BNC2: variants seen among roughly 807,000 people sequenced by gnomAD.
BNC2 encodes zinc finger protein basonuclin-2.
A neutral mutation model predicts 76.3 loss-of-function variants in BNC2; 20 were observed. The observed-to-expected ratio is 0.26, with a 90% confidence interval of 0.18 to 0.38. The LOEUF (loss-of-function observed/expected upper bound fraction) is 0.38, where lower values mean the gene tolerates loss of function less well. BNC2 is among the 10% of genes least tolerant of loss of function. BNC2 has a pLI of 1.00. For synonymous variants in BNC2, 582 were observed against 514.8 expected, an observed-to-expected ratio of 1.13 and a Z score of -1.77; for missense variants, 1,382 against 1,399.8, an observed-to-expected ratio of 0.99 and a Z score of 0.20.
At chr9:16,511,882 G>T (rs1449652753) in intron 5 of BNC2, among the ~76,000 whole-genome samples, 1 of 152,146 alleles carries the variant, frequency 6.6e-6, no homozygotes, top group Admixed American at 6.5e-5. Flanking sequence ...TTGTGTACTT[G>T]TGTGTCTGTG....
At chr9:16,780,152 C>T (rs575818317) in intron 1 of BNC2, among the ~76,000 whole-genome samples, 7 of 144,380 alleles carry the variant, frequency 4.8e-5, no homozygotes, top group Admixed American at 7.2e-5. Context: ...AGGAGAATGG[C>T]GCGAACCTGG....
chr9:16,585,825 C>T (rs908749037), intron 3 of BNC2, among the ~76,000 whole-genome samples: 5 of 152,082 alleles, frequency 3.3e-5, no homozygotes, highest in Admixed American at 3.3e-4. Flanking sequence ...AGCATGTTCA[C>T]AGCTGCCTCC....
Position 16,628,116 on chromosome 9 carries a change from C to T in BNC2, c.331-45031G>A, listed in dbSNP as rs151117571. On this transcript the variant is annotated intron_variant, in intron 3 of 6. Coordinates refer to ENST00000380672, the MANE Select transcript of BNC2 (RefSeq NM_017637.6). ...ACTGGTGAAAAACATACGGTTCCAA[C>T]TAATGAATCACATACTTTCCCGCAA... Among the ~76,000 whole-genome samples, 687 of 152,298 alleles carry T rather than the reference C, an allele frequency of 4.5e-3. 1 individual carries two copies. The highest frequency in any genetic ancestry group is 5.8e-3 in the Admixed American group (89 of 15,300).
intron 1 of BNC2, among the ~76,000 whole-genome samples, chr9:16,828,573 G>T (rs953936739): frequency 6.6e-6 from 1 of 152,172 alleles, no homozygotes; most frequent in African/African-American, 2.4e-5. Context: ...GGTCCCACCA[G>T]TAAAAACAGG....
At chr9:16,823,141 T>C (rs1818379256) in intron 1 of BNC2, among the ~76,000 whole-genome samples, 1 of 152,144 alleles carries the variant, frequency 6.6e-6, no homozygotes, top group African/African-American at 2.4e-5. Flanking sequence ...AGTTGCTTTG[T>C]TTTATTTACA....
At chr9:16,856,298 C>CACACAG (rs1420577613) in intron 1 of BNC2, among the ~76,000 whole-genome samples, 1 of 152,006 alleles carries the variant, frequency 6.6e-6, no homozygotes, top group East Asian at 1.9e-4. Flanking sequence ...CACACACACA[C>CACACAG]ACACAAATTC....
chr9:16,805,280 C>G (rs1438549104), intron 1 of BNC2, among the ~76,000 whole-genome samples: 2 of 152,062 alleles, frequency 1.3e-5, no homozygotes, highest in Non-Finnish European at 2.9e-5. Context: ...TAGCCAAACA[C>G]ATGAATTCCC....
chr9:16,715,954 A>G (rs1348052451), intron 3 of BNC2, among the ~76,000 whole-genome samples: 5 of 152,256 alleles, frequency 3.3e-5, no homozygotes, highest in Non-Finnish European at 7.3e-5. Flanking sequence ...TCAATGAAAC[A>G]TTCGTGCAAA....
intron 5 of BNC2, among the ~76,000 whole-genome samples, chr9:16,539,197 A>G (rs1330529888): frequency 6.6e-6 from 1 of 152,114 alleles, no homozygotes; most frequent in Non-Finnish European, 1.5e-5. Context: ...GGGGGAAAAA[A>G]ACAAATAGAA....
At chr9:16,469,989 ATT>A (rs1336620230) in intron 5 of BNC2, among the ~76,000 whole-genome samples, 1 of 128,322 alleles carries the variant, frequency 7.8e-6, no homozygotes, top group Non-Finnish European at 1.6e-5. Context: ...TGCTAATGGC[ATT>A]CTTTTTTTTT....
chr9:16,670,657 A>C (rs893399820), intron 3 of BNC2, among the ~76,000 whole-genome samples: 1 of 152,212 alleles, frequency 6.6e-6, no homozygotes, highest in African/African-American at 2.4e-5. Flanking sequence ...GTGAATGACC[A>C]ATGTTCCAAG....
chr9:16,782,784 C>T (rs912471727), intron 1 of BNC2, among the ~76,000 whole-genome samples: 3 of 152,180 alleles, frequency 2.0e-5, no homozygotes, highest in African/African-American at 4.8e-5. Context: ...AGGCCAGAAA[C>T]GTCTACCTTT....
intron 1 of BNC2, among the ~76,000 whole-genome samples, chr9:16,822,537 A>G (rs1818362824): frequency 6.6e-6 from 1 of 152,184 alleles, no homozygotes; most frequent in Non-Finnish European, 1.5e-5. Flanking sequence ...AAAAATTTAA[A>G]AGAGAGGCAG....
intron 3 of BNC2, among the ~76,000 whole-genome samples, chr9:16,661,643 A>G (rs1346621953): frequency 6.6e-6 from 1 of 152,192 alleles, no homozygotes; most frequent in Non-Finnish European, 1.5e-5. Flanking sequence ...AGCAGGCATG[A>G]ACATCTAATG....
chr9:16,839,348 G>C (rs1818775375), intron 1 of BNC2, among the ~76,000 whole-genome samples: 1 of 152,166 alleles, frequency 6.6e-6, no homozygotes, highest in South Asian at 2.1e-4. Flanking sequence ...TACGGTAAAA[G>C]TTACACGCCA....
rs768841601 is a variant in BNC2, at chr9:16,437,407, T to C, written c.787A>G (p.Ile263Val). 4.3e-6 allele frequency: 7 copies of C among 1,611,692 alleles called. No homozygotes were observed. Among genetic ancestry groups the C allele is most frequent in the East Asian group, 2.2e-5 (1 of 44,834 alleles). ...ACGGCCTGCCCTTCTTTCTCCTGAATTGCCATCAGCTCCACAATGGATTTG... is the reference window on the plus strand; with the variant it reads ...ACGGCCTGCCCTTCTTTCTCCTGAACTGCCATCAGCTCCACAATGGATTTG... ...ETKSIVELMA[I>V]QEKEGQAVAV... is the part of the protein sequence containing the mutation. The change falls in exon 6 of 7, where the codon ATT becomes GTT. Residue 263 changes from isoleucine to valine, a missense_variant. Coordinates refer to ENST00000380672, the MANE Select transcript of BNC2 (RefSeq NM_017637.6).
chr9:16,523,342 G>T (rs1158582612), intron 5 of BNC2, among the ~76,000 whole-genome samples: 3 of 151,212 alleles, frequency 2.0e-5, no homozygotes, highest in Admixed American at 1.3e-4. Flanking sequence ...AGGGTGGCAG[G>T]CGCCTGTGGT....
At chr9:16,485,557 C>A (rs59433413) in intron 5 of BNC2, among the ~76,000 whole-genome samples, 5,149 of 152,278 alleles carry the variant, frequency 0.034, 295 homozygotes, top group African/African-American at 0.12. Context: ...GGCCGGTCCT[C>A]CACCCCACTG....
intron 1 of BNC2, among the ~76,000 whole-genome samples, chr9:16,813,116 G>GGCGT: frequency 2.6e-5 from 4 of 151,980 alleles, no homozygotes; most frequent in African/African-American, 9.7e-5. Context: ...GAGAATCACT[G>GGCGT]GAACCCTGTA....
Sources: gnomAD v4.1 joint callset for allele counts (sites outside exome capture counted in the v4.1 genomes callset) on GRCh38, gnomAD v4.1.1 for gene constraint, MANE v1.5 for transcripts, NCBI Gene and HGNC (gene_info 2026-07-23, HGNC 2026-07-21) for gene names.